Variants in PLA2G6 observed in about 807,000 individuals in gnomAD.
PLA2G6 encodes 85/88 kDa calcium-independent phospholipase A2.
In PLA2G6, 62 loss-of-function variants were observed where a neutral mutation model predicts 83.8. The observed-to-expected ratio is 0.74, with a 90% CI of 0.60 to 0.91. The LOEUF (loss-of-function observed/expected upper bound fraction) is 0.91. Ranked by LOEUF, PLA2G6 falls within the 40% of genes least tolerant of loss-of-function variation. PLA2G6 has a pLI of 0.00. For synonymous variants in PLA2G6, 417 were observed against 449.8 expected (o/e 0.93, Z 0.92); for missense variants, 944 against 1,102.0 (o/e 0.86, Z 2.03).
intron 1 of PLA2G6, among the ~76,000 whole-genome samples, chr22:38,177,913 C>A (rs954260525): frequency 5.3e-5 from 8 of 152,232 alleles, no homozygotes; most frequent in African/African-American, 1.9e-4. Context: ...AATCCTCAAA[C>A]TGCCTTCAGG....
intron 1 of PLA2G6, among the ~76,000 whole-genome samples, chr22:38,176,239 T>C (rs540137594): frequency 6.6e-6 from 1 of 152,228 alleles, no homozygotes; most frequent in Non-Finnish European, 1.5e-5. Flanking sequence ...TCACTCCTAG[T>C]CCAAGCAGGA....
chr22:38,145,706 C>T, intron 2 of PLA2G6, 53 bp from the exon 3 acceptor site: 4 of 1,277,410 alleles, frequency 3.1e-6, no homozygotes, highest in Admixed American at 1.9e-5. Flanking sequence ...GCGGGACCCT[C>T]GGCCCACATC....
intron 10 of PLA2G6, chr22:38,125,688 G>T (rs1027305797): frequency 2.1e-6 from 1 of 470,774 alleles, no homozygotes; most frequent in Admixed American, 2.3e-5. Flanking sequence ...CTCAGGTTCT[G>T]CATCTGTAAA....
chr22:38,170,325 G>A (rs533819362), intron 1 of PLA2G6, among the ~76,000 whole-genome samples: 102 of 151,926 alleles, frequency 6.7e-4, no homozygotes, highest in Non-Finnish European at 1.3e-3. Context: ...GGGGATCATC[G>A]GCATTGGTCT....
chr22:38,179,384 C>T (rs2090758804), intron 1 of PLA2G6, among the ~76,000 whole-genome samples: 2 of 152,152 alleles, frequency 1.3e-5, no homozygotes, highest in South Asian at 2.1e-4. Context: ...ACTGAATGAA[C>T]AATACTCCTA....
chr22:38,164,721 G>A (rs992931044), intron 2 of PLA2G6, among the ~76,000 whole-genome samples: 7 of 152,158 alleles, frequency 4.6e-5, no homozygotes, highest in African/African-American at 7.2e-5. Context: ...CACCTGGAGC[G>A]GAAGGCTAGC....
intron 12 of PLA2G6, among the ~76,000 whole-genome samples, chr22:38,119,265 A>C (rs567619440): frequency 2.6e-5 from 4 of 152,156 alleles, no homozygotes; most frequent in Non-Finnish European, 4.4e-5. Context: ...CCAGTGGAAC[A>C]AAACACAGCC....
chr22:38,121,548 C>A (rs1233220912), intron 11 of PLA2G6, among the ~76,000 whole-genome samples: 3 of 152,332 alleles, frequency 2.0e-5, no homozygotes, highest in African/African-American at 7.2e-5. Flanking sequence ...GGCCAAGGGG[C>A]CGGCTGCACC....
intron 15 of PLA2G6, 76 bp from the exon 16 acceptor site, chr22:38,112,653 C>G (rs2086948479): frequency 8.0e-7 from 1 of 1,256,452 alleles, no homozygotes; most frequent in Admixed American, 2.0e-5. Flanking sequence ...CTGCCCTGCA[C>G]TCTCGGAGCC....
intron 1 of PLA2G6, among the ~76,000 whole-genome samples, chr22:38,172,868 GC>G (rs2090490106): frequency 6.6e-6 from 1 of 152,316 alleles, no homozygotes; most frequent in East Asian, 1.9e-4. Context: ...GCTAGGGGAT[GC>G]CCCCCACACA....
At chr22:38,175,819 AT>A (rs2090610968) in intron 1 of PLA2G6, among the ~76,000 whole-genome samples, 1 of 152,066 alleles carries the variant, frequency 6.6e-6, no homozygotes, top group Non-Finnish European at 1.5e-5. Context: ...ACCCGCTTTG[AT>A]TTGTTTCCCT....
intron 12 of PLA2G6, among the ~76,000 whole-genome samples, chr22:38,116,991 C>T (rs770345523): frequency 3.3e-5 from 5 of 151,930 alleles, no homozygotes; most frequent in African/African-American, 7.3e-5. Context: ...TTAGAAACCC[C>T]GAGTGGTCAG....
intron 2 of PLA2G6, among the ~76,000 whole-genome samples, chr22:38,151,476 A>C (rs1360086187): frequency 6.6e-6 from 1 of 152,138 alleles, no homozygotes; most frequent in Non-Finnish European, 1.5e-5. Flanking sequence ...CCTGGGCTCA[A>C]GCGATCCTCC....
intron 2 of PLA2G6, among the ~76,000 whole-genome samples, chr22:38,152,435 G>A (rs77637798): frequency 2.0e-5 from 3 of 151,758 alleles, no homozygotes; most frequent in Admixed American, 1.3e-4. Flanking sequence ...CAAAACTCCC[G>A]ACCTCAGGTG....
chr22:38,165,876 T>C (rs1008872380), intron 2 of PLA2G6, among the ~76,000 whole-genome samples: 2 of 151,906 alleles, frequency 1.3e-5, no homozygotes, highest in African/African-American at 4.8e-5. Flanking sequence ...CGAGACTCCA[T>C]CTCAAAAAAT....
At chr22:38,112,890 T>TCTCTCTCTCTC in intron 15 of PLA2G6, 1 of 67,144 alleles carries the variant, frequency 1.5e-5, no homozygotes, top group East Asian at 3.0e-4. Flanking sequence ...CCCTCCCTCC[T>TCTCTCTCTCTC]CTCTCTCTCT....
rs1443488312 is a variant in PLA2G6 at position 38,123,280 on chromosome 22, G to A, written c.1428-22C>T. ...GTGGCTGCAGTGGGAACAGCAGTGG[G>A]AGAGAGGAGGGTCCTGCCACAGCCC... is the stretch of plus-strand genomic sequence containing the variant. On this transcript the variant is annotated intron_variant, in intron 10 of 16. Coordinates refer to ENST00000332509, the MANE Select transcript of PLA2G6 (RefSeq NM_003560.4). The surrounding 1 kb of genome is among the most constrained non-coding windows in gnomAD (Gnocchi z 4.1). 2 of 1,554,436 alleles carry A rather than the reference G, an allele frequency of 1.3e-6. No homozygotes were observed. Among genetic ancestry groups the A allele is most frequent in the East Asian group, 2.4e-5 (1 of 41,394 alleles).
At chr22:38,114,956 C>T (rs778453015) in intron 14 of PLA2G6, among the ~76,000 whole-genome samples, 2 of 152,188 alleles carry the variant, frequency 1.3e-5, no homozygotes, top group African/African-American at 4.8e-5. Flanking sequence ...ACCCACCGCC[C>T]GCCACGCCAC....
In PLA2G6 at chr22:38,120,914, G is replaced by A. The variant is rs1397136140; in HGVS notation, c.1592-5C>T. 7 of 1,613,144 alleles carry A rather than the reference G, an allele frequency of 4.3e-6. No individual in the cohort carries two copies. Among genetic ancestry groups the A allele is most frequent in the South Asian group, 1.1e-5 (1 of 91,080 alleles). ...GCATGTAGGCCATGGACTTACCTAG[G>A]AACAAAGGGGTCAGAGGCGGGGAGA... On this transcript the variant is annotated splice_polypyrimidine_tract_variant and splice_region_variant and intron_variant, in intron 11 of 16. Coordinates refer to ENST00000332509, the MANE Select transcript of PLA2G6 (RefSeq NM_003560.4).
Sources: allele counts gnomAD v4.1 joint callset (sites outside exome capture counted in the v4.1 genomes callset), GRCh38; gene constraint gnomAD v4.1.1; non-coding constraint Gnocchi (gnomAD v3.1); transcripts MANE v1.5; gene names NCBI Gene and HGNC (gene_info 2026-07-23, HGNC 2026-07-21).